Variants in MEGF10 observed in about 807,000 individuals in gnomAD.
MEGF10 encodes multiple EGF like domains 10, also known as multiple epidermal growth factor-like domains protein 10.
A neutral mutation model predicts 147.5 loss-of-function variants in MEGF10; 86 were observed. The ratio of observed to expected loss-of-function variants is 0.58; its 90% CI spans 0.49 to 0.70. The LOEUF is 0.70. Among genes scored for constraint, MEGF10 ranks in the 30% least tolerant of loss-of-function variants. The pLI is 0.00. For missense variants in MEGF10, 1,329 were observed against 1,487.3 expected (o/e 0.89, Z 1.75); for synonymous variants, 478 against 525.5 (o/e 0.91, Z 1.24).
Position 127,409,341 on chromosome 5 carries a change from G to A in MEGF10, c.918-1048G>A, listed in dbSNP as rs766086625. Among the ~76,000 whole-genome samples the A allele has an allele frequency of 1.4e-3, 218 of 152,320 alleles. 2 individuals are homozygous for A. The highest frequency in any genetic ancestry group is 2.6e-3 in the Non-Finnish European group (174 of 68,024). On this transcript the variant is annotated intron_variant, in intron 8 of 24. Coordinates refer to ENST00000503335, the MANE Select transcript of MEGF10 (RefSeq NM_001256545.2). ...GCCTGACTTGAGAGCCACATGGGAA[G>A]TGGCTGCCGAGACAAAGTGTACCCT... is the stretch of plus-strand genomic sequence containing the variant.
At chr5:127,252,312 T>TG in the MEGF10 span, among the ~76,000 whole-genome samples, 1,335 of 151,918 alleles carry the variant, frequency 8.8e-3, 16 homozygotes, top group African/African-American at 0.029. Flanking sequence ...TAAAAGTCTA[T>TG]GTACAAGAAT....
At chr5:127,303,511 A>T (rs765130539) in intron 1 of MEGF10, among the ~76,000 whole-genome samples, 1 of 152,166 alleles carries the variant, frequency 6.6e-6, no homozygotes, top group Non-Finnish European at 1.5e-5. Context: ...GACAATAAGG[A>T]GACTATTGCA....
intron 1 of MEGF10, among the ~76,000 whole-genome samples, chr5:127,305,239 A>G (rs755258897): frequency 2.2e-4 from 34 of 152,220 alleles, no homozygotes; most frequent in Non-Finnish European, 3.8e-4. Flanking sequence ...GATCAAAACT[A>G]GTGAGAACCA....
At chr5:127,236,550 C>T in the MEGF10 span, among the ~76,000 whole-genome samples, 1 of 152,190 alleles carries the variant, frequency 6.6e-6, no homozygotes, top group Non-Finnish European at 1.5e-5. Flanking sequence ...ATCTCCTACC[C>T]AGTATTCTGA....
At chr5:127,290,794 C>A (rs1759217434), upstream of MEGF10, 1 of 152,026 alleles carries the variant, frequency 6.6e-6, no homozygotes, top group African/African-American at 2.4e-5. Flanking sequence ...GCATCTCGGG[C>A]CAGACAGAGA....
intron 1 of MEGF10, among the ~76,000 whole-genome samples, chr5:127,310,600 G>C (rs1364765823): frequency 5.9e-5 from 9 of 151,954 alleles, no homozygotes; most frequent in Non-Finnish European, 1.3e-4. Flanking sequence ...TTTTTTACTT[G>C]TTTGGAGAGT....
At chr5:127,402,305 C>G (rs750850169) in intron 7 of MEGF10, among the ~76,000 whole-genome samples, 5 of 152,306 alleles carry the variant, frequency 3.3e-5, no homozygotes, top group Middle Eastern at 3.4e-3. Flanking sequence ...CTTAACATTA[C>G]TATTCAGCCG....
chr5:127,276,311 C>T, the MEGF10 span, among the ~76,000 whole-genome samples: 5 of 152,162 alleles, frequency 3.3e-5, no homozygotes, highest in Non-Finnish European at 5.9e-5. Context: ...GTATTAATAT[C>T]CCAGAGGGTA....
Position 127,449,237 on chromosome 5 carries a change from C to A in MEGF10, c.2980+15C>A. The A allele has an allele frequency of 6.2e-7, 1 of 1,612,820 alleles. No homozygotes were observed. The highest frequency in any genetic ancestry group is 8.5e-7 in the Non-Finnish European group (1 of 1,179,654). ...CAACGAGCTCGGTGAGTTCTCCCAA[C>A]GCACGTCCCCAGAAGCACCTTGACC... On this transcript the variant is annotated intron_variant, in intron 22 of 24. Coordinates refer to ENST00000503335, the MANE Select transcript of MEGF10 (RefSeq NM_001256545.2).
intron 19 of MEGF10, chr5:127,444,565 T>C (rs1765871269): frequency 6.6e-6 from 1 of 152,242 alleles, no homozygotes; most frequent in Non-Finnish European, 1.5e-5. Context: ...CCTGAAAGCT[T>C]AAGTGAAAGT....
At chr5:127,296,426 A>G (rs1366795512) in intron 1 of MEGF10, among the ~76,000 whole-genome samples, 2 of 152,244 alleles carry the variant, frequency 1.3e-5, no homozygotes, top group African/African-American at 4.8e-5. Context: ...AGGGCAATAA[A>G]TTGTACCCCT....
chr5:127,329,236 CTATT>C (rs1242450318), intron 1 of MEGF10, among the ~76,000 whole-genome samples: 2 of 152,202 alleles, frequency 1.3e-5, no homozygotes, highest in South Asian at 4.2e-4. Context: ...TTTTGGTTAA[CTATT>C]TACGCTTTAT....
chr5:127,249,100 T>A, the MEGF10 span, among the ~76,000 whole-genome samples: 2 of 151,956 alleles, frequency 1.3e-5, no homozygotes, highest in Admixed American at 1.3e-4. Context: ...CTTTAAAACA[T>A]AATTGACTGG....
At chr5:127,355,187 A>G (rs990525091) in intron 4 of MEGF10, among the ~76,000 whole-genome samples, 1 of 152,174 alleles carries the variant, frequency 6.6e-6, no homozygotes, top group African/African-American at 2.4e-5. Context: ...TTGGGGAAGC[A>G]AAAGGAGAGC....
In MEGF10 at chr5:127,442,983, A is replaced by T; in HGVS notation, c.2363-15A>T. On this transcript the variant is annotated splice_polypyrimidine_tract_variant and intron_variant, in intron 18 of 24. Transcript: ENST00000503335. ...TCCCAAGGTTGGAAAGCTACATTTG[A>T]CTTTCCTTCTCTAGAGTGCCCTTCA... 1 of 1,606,326 alleles carries T rather than the reference A, an allele frequency of 6.2e-7. No individual in the cohort carries two copies. Among genetic ancestry groups the T allele is most frequent in the East Asian group, 2.2e-5 (1 of 44,542 alleles).
chr5:127,278,846 GAGA>G, the MEGF10 span, among the ~76,000 whole-genome samples: 2 of 152,244 alleles, frequency 1.3e-5, no homozygotes, highest in East Asian at 3.8e-4. Context: ...TTTGAAAAGA[GAGA>G]AGGTCACCAT....
chr5:127,433,508 G>A lies in MEGF10; in HGVS notation c.1839G>A (p.Arg613=), dbSNP rs199930517. The A allele has an allele frequency of 2.1e-4, 341 of 1,598,972 alleles. No homozygotes were observed. The highest frequency in any genetic ancestry group is 2.7e-4 in the Non-Finnish European group (311 of 1,172,354). The change falls in exon 14 of 25, where the codon AGG becomes AGA. Residue 613 remains arginine (R), a splice_region_variant and synonymous_variant. Transcript: ENST00000503335. ...GCTTCCGAGGCACCACTTGTCAGAG[G>A]AGTAAGTGTCTCATTAGGCAGTAAT... ...APGFRGTTCQ[R]ICSPGFYGHR... is the part of the protein sequence containing the mutation.
chr5:127,271,609 G>T, the MEGF10 span, among the ~76,000 whole-genome samples: 1 of 151,962 alleles, frequency 6.6e-6, no homozygotes, highest in Non-Finnish European at 1.5e-5. Flanking sequence ...GGACCCAGTG[G>T]GTGGTCATGG....
the MEGF10 span, among the ~76,000 whole-genome samples, chr5:127,258,843 C>A: frequency 2.0e-5 from 3 of 152,164 alleles, no homozygotes; most frequent in East Asian, 1.9e-4. Flanking sequence ...AACTTCCCAG[C>A]CTCCAGAACT....
Sources: gnomAD v4.1 joint callset for allele counts (sites outside exome capture counted in the v4.1 genomes callset) on GRCh38, gnomAD v4.1.1 for gene constraint, MANE v1.5 for transcripts, NCBI Gene and HGNC (gene_info 2026-07-23, HGNC 2026-07-21) for gene names.